SENP6: variants seen among roughly 807,000 people sequenced by gnomAD.
SENP6 encodes sentrin-specific protease 6.
A neutral mutation model predicts 134.5 loss-of-function variants in SENP6; 41 were observed. The observed-to-expected ratio is 0.30, with a 90% CI of 0.24 to 0.40. The LOEUF (loss-of-function observed/expected upper bound fraction) is 0.40. Ranked by LOEUF, SENP6 falls within the 10% of genes least tolerant of loss-of-function variation. The pLI, the probability that SENP6 is intolerant of heterozygous loss-of-function variation, is 1.00. For synonymous variants in SENP6, 395 were observed against 429.8 expected (o/e 0.92, Z 1.00); for missense variants, 1,248 against 1,312.5 (o/e 0.95, Z 0.76).
At chr6:75,709,658 C>A (rs772597781) in intron 20 of SENP6, 28 bp downstream of exon 20, 10 of 1,535,094 alleles carry the variant, frequency 6.5e-6, no homozygotes, top group Admixed American at 5.0e-5. Context: ...GCAAAAAGTT[C>A]TAATGTTTTA....
chr6:75,659,400 A>G lies in SENP6; in HGVS notation c.689A>G (p.His230Arg). 3 of 1,607,208 alleles carry G rather than the reference A, an allele frequency of 1.9e-6. No homozygotes were observed. Among genetic ancestry groups the G allele is most frequent in the Non-Finnish European group, 2.6e-6 (3 of 1,175,308 alleles). Residue 230 changes from histidine to arginine, a missense_variant, in exon 8 of 24, where the codon CAT becomes CGT. His to Arg is a conservative substitution (Grantham distance 29). This residue lies in a region of SENP6 where 733 missense variants were observed against 725.4 expected (regional missense o/e 1.01). Coordinates refer to ENST00000447266, the MANE Select transcript of SENP6 (RefSeq NM_015571.4). ...LSPASKKCLT[H>R]LEDLQRNCRQ... ...CCTGCTTCAAAAAAATGTTTAACCC[A>G]TTTAGAGGTAAGTAGAGAAATTATT...
chr6:75,640,547 TTA>T (rs1005034209), intron 5 of SENP6, 135 bp from the exon 6 acceptor site: 16 of 363,642 alleles, frequency 4.4e-5, no homozygotes, highest in South Asian at 1.2e-4. Context: ...ACATAGTATA[TTA>T]TATATATATA....
At chr6:75,639,970 G>T (rs577099275) in intron 5 of SENP6, among the ~76,000 whole-genome samples, 1 of 152,158 alleles carries the variant, frequency 6.6e-6, no homozygotes, top group South Asian at 2.1e-4. Flanking sequence ...CTCCTTATTT[G>T]TGGTTTGATT....
chr6:75,609,383 T>G (rs907894572), intron 1 of SENP6, among the ~76,000 whole-genome samples: 3 of 152,214 alleles, frequency 2.0e-5, no homozygotes, highest in Non-Finnish European at 4.4e-5. Context: ...ACAAATCTCT[T>G]GAGGCCCAAC....
At position 75,647,748 on chromosome 6, in the gene SENP6, A is replaced by C; in HGVS notation, c.497A>C (p.His166Pro). ...TTTTTTAGGAAAGAATACCCACCTC[A>C]TGTCCAAAAAGTTGAAATTAATCCT... ...DRKERKEYPP[H>P]VQKVEINPVR... The change falls in exon 7 of 24, where the codon CAT becomes CCT. Residue 166 changes from histidine (H) to proline (P), a missense_variant. Transcript: ENST00000447266. 1.9e-6 allele frequency: 3 copies of C among 1,611,594 alleles called. No individual in the cohort carries two copies. Among genetic ancestry groups the C allele is most frequent in the Non-Finnish European group, 2.5e-6 (3 of 1,178,106 alleles).
At chr6:75,686,111 A>G (rs1773824485) in intron 16 of SENP6, among the ~76,000 whole-genome samples, 1 of 152,144 alleles carries the variant, frequency 6.6e-6, no homozygotes, top group African/African-American at 2.4e-5. Context: ...TAGGATAGTT[A>G]GTTCTTCTTA....
chr6:75,613,177 G>A, intron 1 of SENP6, among the ~76,000 whole-genome samples: 1 of 151,490 alleles, frequency 6.6e-6, no homozygotes, highest in East Asian at 1.9e-4. Flanking sequence ...CTGTTTTTAA[G>A]AGGCTCATGA....
rs573917869 is a variant in SENP6, at chr6:75,628,544, C to T, written c.207+4584C>T. ...TCATCTATTCATTAATCTGTATTACCTGAATGAAACTTTCAGAACAATTTT... is the reference window on the plus strand; with the variant it reads ...TCATCTATTCATTAATCTGTATTACTTGAATGAAACTTTCAGAACAATTTT... On this transcript the variant is annotated intron_variant, in intron 3 of 23. Transcript: ENST00000447266. Among the ~76,000 whole-genome samples the T allele has an allele frequency of 2.2e-4, 34 of 152,124 alleles. No individual in the cohort carries two copies. In the South Asian group the frequency reaches 6.9e-3, roughly 31 times the overall value.
chr6:75,652,963 T>A (rs1771018332), intron 7 of SENP6, among the ~76,000 whole-genome samples: 1 of 152,188 alleles, frequency 6.6e-6, no homozygotes, highest in Non-Finnish European at 1.5e-5. Context: ...TCTTACTTAT[T>A]TAGCAACTCT....
In SENP6 at chr6:75,718,047, T is replaced by G. The variant is rs1198192171; in HGVS notation, c.*2453T>G. On this transcript the variant is annotated 3_prime_UTR_variant, in exon 24 of 24. Transcript: ENST00000447266. ...TGTGTAGTAACTTGTGCTTAAACTT[T>G]TAGTCAATTAAATGTAGGAGGTTTT... 1 of 152,204 alleles carries G rather than the reference T, an allele frequency of 6.6e-6. No homozygotes were observed. The allele number at this position is 152,204 out of a possible 1,614,324, so 9.4% of individuals were successfully genotyped here.
chr6:75,637,782 A>G (rs1171505379), intron 5 of SENP6, among the ~76,000 whole-genome samples: 1 of 152,168 alleles, frequency 6.6e-6, no homozygotes, highest in Non-Finnish European at 1.5e-5. Flanking sequence ...ATGAAAGCAT[A>G]TATAATTCAT....
chr6:75,718,096 CTAAAT>C lies in SENP6; in HGVS notation c.*2505_*2509del, dbSNP rs1776088961. 7.4e-6 allele frequency: 1 copy of C among 135,194 alleles called. No individual in the cohort carries two copies. The highest frequency in any genetic ancestry group is 2.5e-5 in the African/African-American group (1 of 40,748). The allele number at this position is 135,194 out of a possible 1,614,324, so 8.4% of individuals were successfully genotyped here. On this transcript the variant is annotated 3_prime_UTR_variant, in exon 24 of 24. Coordinates refer to ENST00000447266, the MANE Select transcript of SENP6 (RefSeq NM_015571.4). ...TTATTTGAAAACATAAAATGATTCTCTAAATTACATCTTGTTTTAAGCCACCAAAA... is the reference window on the plus strand; with the variant it reads ...TTATTTGAAAACATAAAATGATTCTCTACATCTTGTTTTAAGCCACCAAAA...
intron 8 of SENP6, among the ~76,000 whole-genome samples, chr6:75,662,513 TA>T (rs1354986081): frequency 6.6e-6 from 1 of 152,200 alleles, no homozygotes; most frequent in Non-Finnish European, 1.5e-5. Context: ...TATTCTCTAC[TA>T]AAACAGAGCA....
At chr6:75,644,091 C>T (rs777008465) in intron 6 of SENP6, 4 of 151,984 alleles carry the variant, frequency 2.6e-5, no homozygotes, top group Admixed American at 1.3e-4. Context: ...AGAGTGCCCA[C>T]TTCAAAAGCA....
intron 12 of SENP6, 28 bp downstream of exon 12, chr6:75,675,496 C>A (rs1473798299): frequency 7.3e-7 from 1 of 1,365,384 alleles, no homozygotes; most frequent in Non-Finnish European, 1.0e-6. Flanking sequence ...TTTTTACTTA[C>A]CAAAGCTTTC....
At chr6:75,612,956 A>G (rs1767570142) in intron 1 of SENP6, among the ~76,000 whole-genome samples, 1 of 152,146 alleles carries the variant, frequency 6.6e-6, no homozygotes, top group Non-Finnish European at 1.5e-5. Context: ...ACTACTAAAA[A>G]TACAAAAATC....
chr6:75,626,196 T>C (rs1296557336), intron 3 of SENP6, among the ~76,000 whole-genome samples: 2 of 152,144 alleles, frequency 1.3e-5, no homozygotes, highest in African/African-American at 4.8e-5. Context: ...TTCATTTTAA[T>C]TTTTATTATG....
intron 5 of SENP6, chr6:75,635,032 G>A (rs1769405200): frequency 1.6e-6 from 1 of 616,904 alleles, no homozygotes; most frequent in Non-Finnish European, 3.0e-6. Flanking sequence ...AAGACCTGTT[G>A]TATTGCATTA....
rs528783667 is a variant in SENP6 at position 75,681,287 on chromosome 6, C to A, written c.2075+2360C>A. On this transcript the variant is annotated intron_variant, in intron 16 of 23. Coordinates refer to ENST00000447266, the MANE Select transcript of SENP6 (RefSeq NM_015571.4). ...TTTATAAAAGTGTGTAGCACCTCCC[C>A]CTTTGCTCTCTGTTACTCCTGCTCT... Among the ~76,000 whole-genome samples, 12 of 152,166 alleles carry A rather than the reference C, an allele frequency of 7.9e-5. No individual in the cohort carries two copies. The East Asian group carries it at 1.7e-3, about 22-fold the overall frequency.
Sources: allele counts gnomAD v4.1 joint callset (sites outside exome capture counted in the v4.1 genomes callset), GRCh38; gene constraint gnomAD v4.1.1; regional missense constraint gnomAD v4.1.1; transcripts MANE v1.5; gene names NCBI Gene and HGNC (gene_info 2026-07-23, HGNC 2026-07-21).